The following CNOT7 variants were observed in gnomAD, a reference collection of about 807,000 sequenced individuals.
CNOT7 encodes the protein BTG1-binding factor 1.
Under a neutral mutation model 37.1 loss-of-function variants are expected in CNOT7, and 4 were observed. That is an observed-to-expected ratio of 0.11 (90% CI 0.05 to 0.25). The LOEUF (loss-of-function observed/expected upper bound fraction) is 0.25. CNOT7 is among the 10% of genes least tolerant of loss of function. The pLI, the probability that CNOT7 is intolerant of heterozygous loss-of-function variation, is 1.00. For synonymous variants in CNOT7, 128 were observed against 115.6 expected (o/e 1.11, Z -0.69); for missense variants, 170 against 336.2 (o/e 0.51, Z 3.87).
In CNOT7 at chr8:17,226,229, T is replaced by A. The variant is rs1322876315; in HGVS notation, c.*4491A>T. 2 of 151,256 alleles carry A rather than the reference T, an allele frequency of 1.3e-5. No individual in the cohort carries two copies. Among genetic ancestry groups the A allele is most frequent in the African/African-American group, 4.8e-5 (2 of 41,280 alleles). The allele number at this position is 151,256 out of a possible 1,614,324, so 9.4% of individuals were successfully genotyped here. ...AGTAATAGAGTTCTACTAATGGGAA[T>A]AATGGGATTTTTTGGCAGGGGACGG... On this transcript the variant is annotated 3_prime_UTR_variant, in exon 7 of 7. Transcript: ENST00000361272.
Position 17,226,937 on chromosome 8 carries a change from A to G in CNOT7, c.*3783T>C, listed in dbSNP as rs1034458995. Reference sequence around the variant, plus strand: ...CAGCCCAGAGCCCAAAAAAATAAAAATAAATCTTTAGCACTGCTAAGCCAT... The same window carrying G: ...CAGCCCAGAGCCCAAAAAAATAAAAGTAAATCTTTAGCACTGCTAAGCCAT... On this transcript the variant is annotated 3_prime_UTR_variant, in exon 7 of 7. Transcript: ENST00000361272. 1.3e-5 allele frequency: 2 copies of G among 151,754 alleles called. No homozygotes were observed. The highest frequency in any genetic ancestry group is 3.0e-5 in the Non-Finnish European group (2 of 67,754). The allele number at this position is 151,754 out of a possible 1,614,324, so 9.4% of individuals were successfully genotyped here.
chr8:17,242,074 C>G (rs1810245418), intron 3 of CNOT7: 1 of 152,190 alleles, frequency 6.6e-6, no homozygotes, highest in Admixed American at 6.5e-5. Context: ...ACTGGGACAA[C>G]TTAGCCACAC....
intron 1 of CNOT7, 76 bp from the exon 2 acceptor site, chr8:17,245,323 C>G (rs1300159540): frequency 1.6e-6 from 1 of 620,646 alleles, no homozygotes; most frequent in Non-Finnish European, 2.4e-6. Flanking sequence ...CAGCAGGAAC[C>G]TAAGAAGTTA....
chr8:17,233,518 G>C (rs1808913788), intron 5 of CNOT7, among the ~76,000 whole-genome samples: 1 of 152,124 alleles, frequency 6.6e-6, no homozygotes, highest in East Asian at 1.9e-4. Context: ...TCTGTACTTA[G>C]AAACTTCCCA....
chr8:17,238,721 A>C (rs1809730569), intron 3 of CNOT7, among the ~76,000 whole-genome samples: 1 of 152,164 alleles, frequency 6.6e-6, no homozygotes, highest in Admixed American at 6.5e-5. Context: ...AGTAGTTTAG[A>C]CCTTTTTCTC....
intron 3 of CNOT7, among the ~76,000 whole-genome samples, chr8:17,240,142 C>T (rs947184722): frequency 5.9e-5 from 9 of 152,314 alleles, no homozygotes; most frequent in East Asian, 1.9e-4. Context: ...ATTCTCTTCA[C>T]GGTGCTCTCT....
At position 17,237,234 on chromosome 8, in the gene CNOT7, C is replaced by A. The variant is rs1314283160; in HGVS notation, c.451G>T (p.Val151Phe). ...TACCTATGAAATGACAACCATTTGA[C>A]CCCTTCACAGAGGACCACTCCAGAA... The part of the protein sequence containing the change: ...MTSGVVLCEG[V>F]KWLSFHSGYD... The change falls in exon 4 of 7, where the codon GTC (valine) becomes TTC (phenylalanine). Residue 151 changes from valine (V) to phenylalanine (F), a missense_variant. Transcript: ENST00000361272. 6.2e-7 allele frequency: 1 copy of A among 1,614,014 alleles called. No individual in the cohort carries two copies. Among genetic ancestry groups the A allele is most frequent in the South Asian group, 1.1e-5 (1 of 91,072 alleles).
At chr8:17,238,954 C>T (rs371319757) in intron 3 of CNOT7, among the ~76,000 whole-genome samples, 63 of 152,204 alleles carry the variant, frequency 4.1e-4, no homozygotes, top group African/African-American at 1.5e-3. Flanking sequence ...AAGGACTTGT[C>T]AAGTGCCTAT....
chr8:17,225,996 C>T lies in CNOT7; in HGVS notation c.*4724G>A, dbSNP rs1808126047. ...ATAGCAAACAGGACAGACATAGACC[C>T]TTGAGTTTCTTCTAGTAGAGAGGTG... On this transcript the variant is annotated 3_prime_UTR_variant, in exon 7 of 7. Coordinates refer to ENST00000361272, the MANE Select transcript of CNOT7 (RefSeq NM_013354.7). The T allele has an allele frequency of 7.5e-6, 1 of 133,354 alleles. No individual in the cohort carries two copies. Among genetic ancestry groups the T allele is most frequent in the Non-Finnish European group, 1.6e-5 (1 of 62,234 alleles). 8.3% of individuals were successfully genotyped at this position (133,354 alleles called of 1,614,324 possible). A position where few individuals can be genotyped will look rare whatever the true frequency, so the allele number is the denominator to read the frequency against.
Position 17,230,170 on chromosome 8 carries a change from C to T in CNOT7, c.*550G>A, listed in dbSNP as rs1394813359. On this transcript the variant is annotated 3_prime_UTR_variant, in exon 7 of 7. Coordinates refer to ENST00000361272, the MANE Select transcript of CNOT7 (RefSeq NM_013354.7). ...CTGAATCGACAGTTTGCACAACGTG[C>T]TATATTCTGTGGGTCAAAACCAAGT... is the stretch of plus-strand genomic sequence containing the variant. The T allele has an allele frequency of 6.6e-6, 1 of 152,500 alleles. No individual in the cohort carries two copies. Among genetic ancestry groups the T allele is most frequent in the Admixed American group, 6.5e-5 (1 of 15,276 alleles). 9.4% of individuals were successfully genotyped at this position (152,500 alleles called of 1,614,324 possible).
In CNOT7 at chr8:17,246,684, T is replaced by C; in HGVS notation, c.-105A>G. 1 of 169,538 alleles carries C rather than the reference T, an allele frequency of 5.9e-6. No homozygotes were observed. Among genetic ancestry groups the C allele is most frequent in the Non-Finnish European group, 1.3e-5 (1 of 78,066 alleles). The allele number at this position is 169,538 out of a possible 1,614,324, so 10.5% of individuals were successfully genotyped here. ...CGGATGCAAGATCTACTTGTGTCGC[T>C]GAGCTCGCGCTCCTCCTCCTCCTCC... On this transcript the variant is annotated 5_prime_UTR_variant, in exon 1 of 7. Transcript: ENST00000361272.
rs1188471456 is a variant in CNOT7, at chr8:17,229,108, G to T, written c.*1612C>A. 5 of 151,776 alleles carry T rather than the reference G, an allele frequency of 3.3e-5. No individual in the cohort carries two copies. Among genetic ancestry groups the T allele is most frequent in the Non-Finnish European group, 7.4e-5 (5 of 67,784 alleles). The allele number at this position is 151,776 out of a possible 1,614,324, so 9.4% of individuals were successfully genotyped here. A position where few individuals can be genotyped will look rare whatever the true frequency, so the allele number is the denominator to read the frequency against. ...AACTCAGACTGATTTTTCAATTAAT[G>T]GACTAATAATCATCTAGGGTTAATG... On this transcript the variant is annotated 3_prime_UTR_variant, in exon 7 of 7. Coordinates refer to ENST00000361272, the MANE Select transcript of CNOT7 (RefSeq NM_013354.7).
chr8:17,237,075 A>C, intron 4 of CNOT7, 137 bp downstream of exon 4: 1 of 791,110 alleles, frequency 1.3e-6, no homozygotes, highest in Non-Finnish European at 2.0e-6. Flanking sequence ...TAGCCTCCTA[A>C]GAGTTAGGAG....
rs1440208399 is a variant in CNOT7 at position 17,234,838 on chromosome 8, TTAAG to T, written c.492_495del (p.Tyr164Ter). On this transcript the variant is annotated frameshift_variant, in exon 5 of 7. Coordinates refer to ENST00000361272, the MANE Select transcript of CNOT7 (RefSeq NM_013354.7). LOFTEE classifies it high-confidence loss of function. ...AAGTTAGAGTTGGTTAGGATTTTGA[TTAAG>T]TAGCCAAAGTCGTAACCGCTATAAA... The T allele has an allele frequency of 6.2e-7, 1 of 1,613,934 alleles. No individual in the cohort carries two copies. Among genetic ancestry groups the T allele is most frequent in the Non-Finnish European group, 8.5e-7 (1 of 1,179,934 alleles).
At chr8:17,237,517 C>A in intron 3 of CNOT7, 144 bp from the exon 4 acceptor site, 1 of 624,872 alleles carries the variant, frequency 1.6e-6, no homozygotes. Context: ...TATATATATG[C>A]AAGAAAAATG....
At position 17,227,532 on chromosome 8, in the gene CNOT7, CA is replaced by C. The variant is rs1385965079; in HGVS notation, c.*3187del. The C allele has an allele frequency of 6.6e-6, 1 of 151,900 alleles. No individual in the cohort carries two copies. The highest frequency in any genetic ancestry group is 1.5e-5 in the Non-Finnish European group (1 of 67,816). The allele number at this position is 151,900 out of a possible 1,614,324, so 9.4% of individuals were successfully genotyped here. On this transcript the variant is annotated 3_prime_UTR_variant, in exon 7 of 7. Transcript: ENST00000361272. ...TATCTTCAAGCACGATGTAATTCAG[CA>C]TTAGTAAATGGTTTTCTTTGCTTGG...
Position 17,245,223 on chromosome 8 carries a change from A to C in CNOT7, c.-71T>G. On this transcript the variant is annotated 5_prime_UTR_variant, in exon 2 of 7. The change creates a new upstream start codon in the 5' untranslated region. Coordinates refer to ENST00000361272, the MANE Select transcript of CNOT7 (RefSeq NM_013354.7). ...ACTTGATTGAAGATTTGTTTCATAA[A>C]ATATTTTATCCTTTATTTATGTACC... 6.8e-7 allele frequency: 1 copy of C among 1,474,636 alleles called. No individual in the cohort carries two copies. Among genetic ancestry groups the C allele is most frequent in the African/African-American group, 1.4e-5 (1 of 69,842 alleles). 91.3% of individuals were successfully genotyped at this position (1,474,636 alleles called of 1,614,324 possible).
intron 4 of CNOT7, among the ~76,000 whole-genome samples, chr8:17,236,021 C>G (rs1003786354): frequency 7.2e-5 from 11 of 152,074 alleles, no homozygotes; most frequent in Admixed American, 6.5e-4. Flanking sequence ...ACCTTCATAT[C>G]TAGGGAAGAA....
At chr8:17,239,799 T>G (rs1809902368) in intron 3 of CNOT7, among the ~76,000 whole-genome samples, 1 of 152,234 alleles carries the variant, frequency 6.6e-6, no homozygotes, top group Non-Finnish European at 1.5e-5. Flanking sequence ...AGCCTAAAAG[T>G]GAGAATTTGT....
Sources: allele counts gnomAD v4.1 joint callset (sites outside exome capture counted in the v4.1 genomes callset), GRCh38; gene constraint gnomAD v4.1.1; transcripts MANE v1.5; gene names NCBI Gene and HGNC (gene_info 2026-07-23, HGNC 2026-07-21).